ITIH5: variants seen among roughly 807,000 people sequenced by gnomAD.
ITIH5 encodes the protein inter-alpha-trypsin inhibitor heavy chain 5, also known as inter-alpha-trypsin inhibitor heavy chain H5.
In ITIH5, 65 loss-of-function variants were observed where a neutral mutation model predicts 77.5. That is an observed-to-expected ratio of 0.84 (90% CI 0.69 to 1.03). The LOEUF (loss-of-function observed/expected upper bound fraction) is 1.03, where lower values mean the gene tolerates loss of function less well. Among genes scored for constraint, ITIH5 ranks in the 50% least tolerant of loss-of-function variants. ITIH5 has a pLI of 0.00. For missense variants in ITIH5, 1,208 were observed against 1,213.1 expected, an observed-to-expected ratio of 1.00 and a Z score of 0.06; for synonymous variants, 525 against 494.3, an observed-to-expected ratio of 1.06 and a Z score of -0.82.
Position 7,621,050 on chromosome 10 carries a change from C to T in ITIH5, c.653-3768G>A, listed in dbSNP as rs1833466900. On this transcript the variant is annotated intron_variant, in intron 5 of 13. Transcript: ENST00000397146. ...AGTCAGAAACTCTGGGGATGGGACT[C>T]CGCCATTTGTGTTTTAACGAGCCCT... The T allele has an allele frequency of 2.0e-5, 3 of 152,340 alleles. No individual in the cohort carries two copies. The South Asian group carries it at 6.2e-4, about 32-fold the overall frequency. 9.4% of individuals were successfully genotyped at this position (152,340 alleles called of 1,614,324 possible).
chr10:7,637,201 T>C, intron 5 of ITIH5, 27 bp downstream of exon 5: 1 of 1,594,530 alleles, frequency 6.3e-7, no homozygotes, highest in Non-Finnish European at 8.5e-7. Context: ...ACCACAGATC[T>C]GCACGAACCC....
chr10:7,630,112 G>T (rs1013089960), intron 5 of ITIH5, among the ~76,000 whole-genome samples: 1 of 152,154 alleles, frequency 6.6e-6, no homozygotes, highest in Admixed American at 6.5e-5. Context: ...CACTCAACAG[G>T]TGTAGTCGTA....
chr10:7,587,502 C>T (rs548529528), intron 7 of ITIH5, among the ~76,000 whole-genome samples: 29 of 152,204 alleles, frequency 1.9e-4, no homozygotes, highest in Non-Finnish European at 2.8e-4. Flanking sequence ...GGTTCATCCC[C>T]GACTCTCCGT....
chr10:7,634,863 C>G (rs1833775012), intron 5 of ITIH5, among the ~76,000 whole-genome samples: 1 of 152,116 alleles, frequency 6.6e-6, no homozygotes, highest in Non-Finnish European at 1.5e-5. Context: ...TACTTCTTTC[C>G]CACAGTTGCA....
At chr10:7,644,250 T>A (rs115154203) in intron 2 of ITIH5, among the ~76,000 whole-genome samples, 6,190 of 146,222 alleles carry the variant, frequency 0.042, 379 homozygotes, top group African/African-American at 0.14. Flanking sequence ...AAAAAAAATA[T>A]ATATATATAT....
chr10:7,623,254 G>A (rs1833503016), intron 5 of ITIH5, among the ~76,000 whole-genome samples: 1 of 152,106 alleles, frequency 6.6e-6, no homozygotes, highest in Admixed American at 6.5e-5. Context: ...ATTGACAAAA[G>A]GATTTCCCAA....
chr10:7,597,346 C>A lies in ITIH5; in HGVS notation c.940-11277G>T, dbSNP rs184448829. Among the ~76,000 whole-genome samples the A allele has an allele frequency of 5.2e-3, 787 of 152,174 alleles. 20 individuals carry two copies. Among genetic ancestry groups the A allele is most frequent in the Admixed American group, 0.039 (594 of 15,266 alleles). ...CCCCTTGGTGGGTGGTAGTATGGCC[C>A]CGTCATCACGCCATCTGAAGGAACC... On this transcript the variant is annotated intron_variant, in intron 7 of 13. Transcript: ENST00000397146.
chr10:7,662,003 A>G (rs1179338844), intron 1 of ITIH5, among the ~76,000 whole-genome samples: 1 of 152,092 alleles, frequency 6.6e-6, no homozygotes, highest in Non-Finnish European at 1.5e-5. Context: ...TGCCTGGCCG[A>G]TTAAAATTTT....
intron 5 of ITIH5, among the ~76,000 whole-genome samples, chr10:7,623,769 C>G (rs946282925): frequency 1.4e-5 from 2 of 143,734 alleles, no homozygotes; most frequent in Admixed American, 7.2e-5. Context: ...CACCACTGCA[C>G]TCCAGCCTGG....
In ITIH5 at chr10:7,629,301, GT is replaced by G. The variant is rs1564269711; in HGVS notation, c.652+7926del. On this transcript the variant is annotated intron_variant, in intron 5 of 13. Transcript: ENST00000397146. ...AGCGTGTGTCCCTGTTGTAGCGTGT[GT>G]CCATGTTGTAGCGTGTGCCCATGTT... 6.4e-3 allele frequency among the ~76,000 whole-genome samples: 581 copies of G among 91,006 alleles called. 54 individuals are homozygous for G. Among genetic ancestry groups the G allele is most frequent in the African/African-American group, 0.024 (542 of 22,126 alleles). 59.7% of individuals were successfully genotyped at this position (91,006 alleles called of 152,430 possible).
In ITIH5 at chr10:7,642,043, A is replaced by G. The variant is rs1294503103; in HGVS notation, c.183T>C (p.Ile61=). The G allele has an allele frequency of 6.2e-7, 1 of 1,614,094 alleles. No individual in the cohort carries two copies. The change falls in exon 3 of 14, where the codon ATT becomes ATC. Residue 61 remains isoleucine, a synonymous_variant. Transcript: ENST00000397146. ...MTEFSVKSTI[I]SRYAFTTVSC... ...AAACCGTAGTGAAGGCATAACGGGA[A>G]ATGATGGTAGACTTCACTGAGAATT...
chr10:7,569,809 A>G lies in ITIH5; in HGVS notation c.2033-25T>C, dbSNP rs374936046. 9 of 1,421,342 alleles carry G rather than the reference A, an allele frequency of 6.3e-6. No individual in the cohort carries two copies. The Admixed American group carries it at 7.9e-5, about 12-fold the overall frequency. The allele number at this position is 1,421,342 out of a possible 1,614,324, so 88.0% of individuals were successfully genotyped here. On this transcript the variant is annotated intron_variant, in intron 11 of 13. Coordinates refer to ENST00000397146, the MANE Select transcript of ITIH5 (RefSeq NM_030569.7). ...ACTGCCAGAGCAGAAGAAAACGGAG[A>G]GAAAAAGAAAGACACTTATTCAGTA... is the stretch of plus-strand genomic sequence containing the variant.
intron 13 of ITIH5, 125 bp from the exon 14 acceptor site, chr10:7,563,509 C>T (rs1020191547): frequency 1.0e-5 from 8 of 768,354 alleles, no homozygotes; most frequent in Non-Finnish European, 1.7e-5. Flanking sequence ...TGGACTCTCC[C>T]AGTGACATGG....
In ITIH5 at chr10:7,579,774, C is replaced by A. The variant is rs574389762; in HGVS notation, c.1399G>T (p.Ala467Ser). The change falls in exon 9 of 14, where the codon GCA (alanine) becomes TCA (serine). Residue 467 changes from alanine to serine, a missense_variant. By Grantham distance (99) the Ala-to-Ser change is moderately conservative. Coordinates refer to ENST00000397146, the MANE Select transcript of ITIH5 (RefSeq NM_030569.7). The stretch of plus-strand genomic sequence containing the variant: ...ACAGACCCGATGAGCTGCGAGCCTG[C>A]GTCCTCCTCCTCGTGCACGCGCCGT... ...LTRRVHEEED[A>S]GSQLIGFYDE... 8 of 1,613,704 alleles carry A rather than the reference C, an allele frequency of 5.0e-6. No individual in the cohort carries two copies. The highest frequency in any genetic ancestry group is 1.3e-5 in the African/African-American group (1 of 75,078).
intron 2 of ITIH5, among the ~76,000 whole-genome samples, chr10:7,648,964 C>G (rs1181439644): frequency 6.6e-6 from 1 of 152,164 alleles, no homozygotes; most frequent in South Asian, 2.1e-4. Flanking sequence ...CTACAATTCT[C>G]CCAGGAGCCC....
At chr10:7,565,725 TA>T (rs1832138028) in intron 13 of ITIH5, among the ~76,000 whole-genome samples, 1 of 148,986 alleles carries the variant, frequency 6.7e-6, no homozygotes, top group Non-Finnish European at 1.5e-5. Context: ...ATTATGTATT[TA>T]TATAGAGAGA....
intron 7 of ITIH5, among the ~76,000 whole-genome samples, chr10:7,610,294 G>A (rs948594326): frequency 3.3e-5 from 5 of 152,086 alleles, no homozygotes; most frequent in African/African-American, 1.2e-4. Flanking sequence ...CCAGGATCAT[G>A]TTCCCACTGG....
At chr10:7,636,980 G>A (rs1247118171) in intron 5 of ITIH5, among the ~76,000 whole-genome samples, 3 of 152,168 alleles carry the variant, frequency 2.0e-5, no homozygotes, top group Non-Finnish European at 2.9e-5. Flanking sequence ...GAACACGGGA[G>A]GCGGAGGTTG....
At chr10:7,635,453 A>G (rs17142881) in intron 5 of ITIH5, among the ~76,000 whole-genome samples, 25,677 of 152,144 alleles carry the variant, frequency 0.17, 2,269 homozygotes, top group South Asian at 0.26. Flanking sequence ...TACCACCTGC[A>G]TGACCTAAGA....
Sources: gnomAD v4.1 joint callset for allele counts (sites outside exome capture counted in the v4.1 genomes callset) on GRCh38, gnomAD v4.1.1 for gene constraint, MANE v1.5 for transcripts, NCBI Gene and HGNC (gene_info 2026-07-23, HGNC 2026-07-21) for gene names.